PRKG1: variants seen among roughly 807,000 people sequenced by gnomAD.
PRKG1 encodes the protein cGMP-dependent protein kinase 1.
A neutral mutation model predicts 88.1 loss-of-function variants in PRKG1; 35 were observed. The observed-to-expected ratio is 0.40, with a 90% confidence interval of 0.30 to 0.53. The LOEUF (loss-of-function observed/expected upper bound fraction) is 0.53, where lower values mean the gene tolerates loss of function less well. Among genes scored for constraint, PRKG1 ranks in the 20% least tolerant of loss-of-function variants. The pLI is 0.59. For missense variants in PRKG1, 540 were observed against 839.8 expected, an observed-to-expected ratio of 0.64 and a Z score of 4.41; for synonymous variants, 303 against 292.5, an observed-to-expected ratio of 1.04 and a Z score of -0.37.
chr10:51,295,953 T>C (rs1840709666), intron 2 of PRKG1, among the ~76,000 whole-genome samples: 1 of 152,186 alleles, frequency 6.6e-6, no homozygotes, highest in Admixed American at 6.5e-5. Flanking sequence ...TGGCCTTCAT[T>C]CTGTTAGTGT....
intron 2 of PRKG1, among the ~76,000 whole-genome samples, chr10:51,388,620 C>A (rs1243287744): frequency 6.6e-6 from 1 of 152,168 alleles, no homozygotes; most frequent in Non-Finnish European, 1.5e-5. Context: ...AAAAAAAATT[C>A]TGTCTTTCCA....
chr10:52,017,608 G>A (rs927451991), intron 5 of PRKG1, among the ~76,000 whole-genome samples: 4 of 152,122 alleles, frequency 2.6e-5, no homozygotes, highest in Non-Finnish European at 4.4e-5. Context: ...AGTAGAATTT[G>A]ATGGGATATA....
At chr10:51,149,529 T>A (rs1846015245) in intron 1 of PRKG1, among the ~76,000 whole-genome samples, 1 of 152,126 alleles carries the variant, frequency 6.6e-6, no homozygotes, top group Non-Finnish European at 1.5e-5. Context: ...TTCCAATTTA[T>A]TTTTCTAAAA....
At chr10:51,979,613 T>C (rs896071863) in intron 5 of PRKG1, among the ~76,000 whole-genome samples, 2 of 42,012 alleles carry the variant, frequency 4.8e-5, no homozygotes, top group Admixed American at 4.9e-4. Flanking sequence ...GTCCTGGGCT[T>C]TTTTTTTTTT....
At chr10:51,016,673 C>CTTCTTTCTTTT (rs1564571435) in intron 1 of PRKG1, among the ~76,000 whole-genome samples, 3 of 35,182 alleles carry the variant, frequency 8.5e-5, no homozygotes, top group African/African-American at 4.2e-4. Flanking sequence ...ATTATCCTTT[C>CTTCTTTCTTTT]TTTTTTTTTT....
intron 2 of PRKG1, among the ~76,000 whole-genome samples, chr10:51,209,489 A>G (rs560925925): frequency 6.6e-6 from 1 of 152,302 alleles, no homozygotes; most frequent in Admixed American, 6.5e-5. Context: ...GTAGTTTCAG[A>G]TTGTATACAC....
chr10:51,880,665 C>T (rs1458384914), intron 4 of PRKG1, among the ~76,000 whole-genome samples: 1 of 152,188 alleles, frequency 6.6e-6, no homozygotes, highest in Non-Finnish European at 1.5e-5. Context: ...TGTATCCACT[C>T]ATATCCTGGA....
chr10:51,467,730 G>A lies in PRKG1; in HGVS notation c.486G>A (p.Lys162=), dbSNP rs773961955. 53 of 1,610,464 alleles carry A rather than the reference G, an allele frequency of 3.3e-5. No homozygotes were observed. Among genetic ancestry groups the A allele is most frequent in the Non-Finnish European group, 4.4e-5 (52 of 1,177,166 alleles). The change falls in exon 3 of 18, where the codon AAG becomes AAA. Residue 162 remains lysine (K), a synonymous_variant. Coordinates refer to ENST00000373980, the MANE Select transcript of PRKG1 (RefSeq NM_006258.4). The part of the protein sequence containing the change: ...GSLVYVMEDG[K]VEVTKEGVKL... ...TTCCCTCCTCCTTTTTAGATGGTAAGGTTGAAGTTACAAAAGAAGGTGTGA... is the reference window on the plus strand; with the variant it reads ...TTCCCTCCTCCTTTTTAGATGGTAAAGTTGAAGTTACAAAAGAAGGTGTGA...
At chr10:51,123,321 A>C (rs4935227) in intron 1 of PRKG1, among the ~76,000 whole-genome samples, 75,994 of 151,622 alleles carry the variant, frequency 0.5, 20,336 homozygotes, top group East Asian at 0.71. Flanking sequence ...AAATCAGCCC[A>C]AAAAAGGCTT....
chr10:51,153,768 T>C (rs190608007), intron 2 of PRKG1, among the ~76,000 whole-genome samples: 100 of 152,124 alleles, frequency 6.6e-4, no homozygotes, highest in African/African-American at 2.4e-3. Flanking sequence ...AAAGAAAATG[T>C]TTTTCATGTG....
chr10:52,154,453 T>G (rs1838030676), intron 8 of PRKG1, among the ~76,000 whole-genome samples: 1 of 152,176 alleles, frequency 6.6e-6, no homozygotes, highest in South Asian at 2.1e-4. Context: ...CCAACTATAC[T>G]TTGAGTAGCA....
At chr10:51,450,698 T>A (rs1488799525) in intron 2 of PRKG1, among the ~76,000 whole-genome samples, 1 of 151,956 alleles carries the variant, frequency 6.6e-6, no homozygotes, top group African/African-American at 2.4e-5. Context: ...ATCTTTCAAC[T>A]TTTTGGCAGA....
intron 7 of PRKG1, among the ~76,000 whole-genome samples, chr10:52,120,790 A>T (rs1334731897): frequency 1.3e-5 from 2 of 152,040 alleles, no homozygotes; most frequent in East Asian, 3.9e-4. Flanking sequence ...TCCAAGGCTT[A>T]CGTTGCACTC....
rs902196734 is a variant in PRKG1, at chr10:51,199,565, T to A, written c.478+46235T>A. On this transcript the variant is annotated intron_variant, in intron 2 of 17. Coordinates refer to ENST00000373980, the MANE Select transcript of PRKG1 (RefSeq NM_006258.4). ...GCTGTGTTACCAGCACAATGGCCTG[T>A]ATGGACTACCAAAGGGCTTCCTGGC... Among the ~76,000 whole-genome samples, 69 of 152,166 alleles carry A rather than the reference T, an allele frequency of 4.5e-4. 4 individuals carry two copies. The highest frequency in any genetic ancestry group is 8.8e-5 in the Non-Finnish European group (6 of 68,032).
intron 4 of PRKG1, among the ~76,000 whole-genome samples, chr10:51,850,383 G>A (rs1358625254): frequency 6.6e-6 from 1 of 152,010 alleles, no homozygotes; most frequent in Non-Finnish European, 1.5e-5. Flanking sequence ...CACCATATTG[G>A]CCAGGTTGGT....
At chr10:51,591,209 A>T (rs1838304239) in intron 3 of PRKG1, among the ~76,000 whole-genome samples, 1 of 152,146 alleles carries the variant, frequency 6.6e-6, no homozygotes, top group Non-Finnish European at 1.5e-5. Flanking sequence ...ATGTGTATGA[A>T]AGGAAAAATT....
intron 2 of PRKG1, among the ~76,000 whole-genome samples, chr10:51,459,649 C>T (rs1051066096): frequency 6.6e-6 from 1 of 152,070 alleles, no homozygotes; most frequent in African/African-American, 2.4e-5. Context: ...GTAATCCATG[C>T]ACAGAGAGTT....
intron 2 of PRKG1, among the ~76,000 whole-genome samples, chr10:51,441,036 T>C (rs1381548158): frequency 6.6e-6 from 1 of 152,012 alleles, no homozygotes; most frequent in Admixed American, 6.6e-5. Context: ...AAAGCCAACA[T>C]TGGTTCTAAT....
intron 2 of PRKG1, among the ~76,000 whole-genome samples, chr10:51,384,584 A>G (rs1376605689): frequency 2.6e-5 from 4 of 152,112 alleles, no homozygotes; most frequent in African/African-American, 9.7e-5. Context: ...TTTACTAATA[A>G]ACCCTCACCC....
Sources: gnomAD v4.1 joint callset for allele counts (sites outside exome capture counted in the v4.1 genomes callset) on GRCh38, gnomAD v4.1.1 for gene constraint, MANE v1.5 for transcripts, NCBI Gene and HGNC (gene_info 2026-07-23, HGNC 2026-07-21) for gene names.